The following ALK variants were observed in gnomAD, a reference collection of about 807,000 sequenced individuals.
The protein encoded by ALK is ALK tyrosine kinase receptor.
A neutral mutation model predicts 163.1 loss-of-function variants in ALK; 74 were observed. The observed-to-expected ratio is 0.45, with a 90% CI of 0.38 to 0.55. The LOEUF (loss-of-function observed/expected upper bound fraction) is 0.55, where lower values mean the gene tolerates loss of function less well. ALK is among the 20% of genes least tolerant of loss of function. The pLI, the probability that ALK is intolerant of heterozygous loss-of-function variation, is 0.00. For synonymous variants in ALK, 960 were observed against 843.2 expected, an observed-to-expected ratio of 1.14 and a Z score of -2.40; for missense variants, 2,063 against 2,105.3, an observed-to-expected ratio of 0.98 and a Z score of 0.39.
At chr2:29,578,098 G>T (rs1461301494) in intron 3 of ALK, among the ~76,000 whole-genome samples, 1 of 152,136 alleles carries the variant, frequency 6.6e-6, no homozygotes, top group Non-Finnish European at 1.5e-5. Context: ...GGGACCCAGT[G>T]GGAGATAACT....
At chr2:29,739,573 A>C (rs2148323583) in intron 1 of ALK, among the ~76,000 whole-genome samples, 1 of 152,046 alleles carries the variant, frequency 6.6e-6, no homozygotes, top group African/African-American at 2.4e-5. Flanking sequence ...AAAAAAAAAA[A>C]AGAACATAGT....
chr2:29,621,053 G>C (rs1573505272), intron 3 of ALK, among the ~76,000 whole-genome samples: 1 of 152,184 alleles, frequency 6.6e-6, no homozygotes, highest in Non-Finnish European at 1.5e-5. Flanking sequence ...CTTTGAAATA[G>C]GGGTTGGAAA....
intron 1 of ALK, among the ~76,000 whole-genome samples, chr2:29,865,507 C>CA (rs1200903791): frequency 6.6e-6 from 1 of 152,196 alleles, no homozygotes; most frequent in Non-Finnish European, 1.5e-5. Context: ...TTATATGTAA[C>CA]AATCTGCACA....
At chr2:29,864,913 G>A (rs143549853) in intron 1 of ALK, among the ~76,000 whole-genome samples, 5 of 152,254 alleles carry the variant, frequency 3.3e-5, no homozygotes, top group South Asian at 2.1e-4. Context: ...GATGACAAAC[G>A]CCTCCCACCC....
At chr2:29,593,008 G>C (rs1675104834) in intron 3 of ALK, among the ~76,000 whole-genome samples, 1 of 152,196 alleles carries the variant, frequency 6.6e-6, no homozygotes, top group African/African-American at 2.4e-5. Flanking sequence ...GCGGTCATTT[G>C]TTGTGGCAGC....
intron 8 of ALK, among the ~76,000 whole-genome samples, chr2:29,306,785 A>G (rs1279802622): frequency 2.0e-5 from 3 of 152,244 alleles, no homozygotes; most frequent in Non-Finnish European, 4.4e-5. Flanking sequence ...TTCTAGACAC[A>G]TCCTAGTAGA....
At chr2:29,605,565 T>C (rs72862816) in intron 3 of ALK, among the ~76,000 whole-genome samples, 3,796 of 152,216 alleles carry the variant, frequency 0.025, 135 homozygotes, top group African/African-American at 0.076. Flanking sequence ...GGGATTAGTG[T>C]TTTTATAAGA....
intron 5 of ALK, among the ~76,000 whole-genome samples, chr2:29,368,388 GA>G (rs1284654471): frequency 6.6e-6 from 1 of 152,212 alleles, no homozygotes. Context: ...TCAGTGATGA[GA>G]GACAGTGGCC....
intron 4 of ALK, among the ~76,000 whole-genome samples, chr2:29,405,588 C>G (rs1432156218): frequency 6.6e-6 from 1 of 152,178 alleles, no homozygotes; most frequent in Non-Finnish European, 1.5e-5. Context: ...ACAGCAAGGT[C>G]TGGCCAATTT....
At position 29,382,902 on chromosome 2, in the gene ALK, A is replaced by G. The variant is rs193264898; in HGVS notation, c.1282+830T>C. 2.0e-5 allele frequency among the ~76,000 whole-genome samples: 3 copies of G among 152,356 alleles called. No homozygotes were observed. The East Asian group carries it at 5.8e-4, about 29-fold the overall frequency. On this transcript the variant is annotated intron_variant, in intron 5 of 28. Coordinates refer to ENST00000389048, the MANE Select transcript of ALK (RefSeq NM_004304.5). ...CCTGCAAAGCCAGCAATAAATGAAG[A>G]GCCACAGGGGCAAAAGAAGCTGGGT...
At chr2:29,385,382 G>GTTTTTTTTTTTT (rs59445973) in intron 4 of ALK, among the ~76,000 whole-genome samples, 1 of 138,338 alleles carries the variant, frequency 7.2e-6, no homozygotes, top group Non-Finnish European at 1.6e-5. Flanking sequence ...CTGTCAGGTT[G>GTTTTTTTTTTTT]TTTTTTTTTT....
intron 5 of ALK, among the ~76,000 whole-genome samples, chr2:29,348,275 GT>G (rs1233639624): frequency 6.6e-6 from 1 of 152,176 alleles, no homozygotes; most frequent in African/African-American, 2.4e-5. Context: ...GTCCATCTGG[GT>G]CTGCTTATGA....
At chr2:29,694,630 T>A (rs1284298801) in intron 3 of ALK, among the ~76,000 whole-genome samples, 2 of 152,230 alleles carry the variant, frequency 1.3e-5, no homozygotes, top group Non-Finnish European at 2.9e-5. Flanking sequence ...CTACTTTTAT[T>A]ACTTGTTAAA....
chr2:29,582,440 C>T (rs950399860), intron 3 of ALK, among the ~76,000 whole-genome samples: 4 of 152,204 alleles, frequency 2.6e-5, no homozygotes, highest in Non-Finnish European at 5.9e-5. Context: ...AATTGAGAAC[C>T]TAAAATTGGG....
chr2:29,831,715 T>C (rs1011093975), intron 1 of ALK, among the ~76,000 whole-genome samples: 2 of 152,224 alleles, frequency 1.3e-5, no homozygotes, highest in African/African-American at 2.4e-5. Context: ...GTCTAGGCTA[T>C]AGTTTCTCCA....
In ALK at chr2:29,193,787, C is replaced by T. The variant is rs778085426; in HGVS notation, c.4300G>A (p.Glu1434Lys). The T allele has an allele frequency of 1.3e-5, 21 of 1,594,670 alleles. No individual in the cohort carries two copies. The highest frequency in any genetic ancestry group is 1.8e-5 in the Non-Finnish European group (21 of 1,170,074). Residue 1434 changes from glutamate (E) to lysine (K), a missense_variant, in exon 29 of 29, where the codon GAG (glutamate) becomes AAG (lysine). Physicochemically the swap from Glu to Lys is moderately conservative, Grantham distance 56. Around this residue, in one of 5 missense-constraint regions of ALK, gnomAD observed 403 missense variants for 366.2 expected, o/e 1.10. Transcript: ENST00000389048. ...GGTGGGGCAGCTGGGCTGCGCTCCT[C>T]CTCCCGTTTTGCCTGTTGAGAGACC... ...LLVSQQAKRE[E>K]ERSPAAPPPL...
At chr2:29,369,536 A>G (rs1241203791) in intron 5 of ALK, among the ~76,000 whole-genome samples, 1 of 152,192 alleles carries the variant, frequency 6.6e-6, no homozygotes, top group Non-Finnish European at 1.5e-5. Flanking sequence ...ATGGATATAC[A>G]GCCTCAGGCC....
intron 3 of ALK, among the ~76,000 whole-genome samples, chr2:29,572,873 G>A (rs1674418375): frequency 6.6e-6 from 1 of 152,036 alleles, no homozygotes; most frequent in Non-Finnish European, 1.5e-5. Context: ...ATTCCTTCAC[G>A]CAGCCCTGGA....
chr2:29,775,008 A>T (rs1681131996), intron 1 of ALK, among the ~76,000 whole-genome samples: 1 of 152,242 alleles, frequency 6.6e-6, no homozygotes, highest in African/African-American at 2.4e-5. Flanking sequence ...CCAGATGCTC[A>T]TGTTAAGCAG....
Sources: gnomAD v4.1 joint callset for allele counts (sites outside exome capture counted in the v4.1 genomes callset) on GRCh38, gnomAD v4.1.1 for gene constraint, gnomAD v4.1.1 regional missense constraint, MANE v1.5 for transcripts, NCBI Gene and HGNC (gene_info 2026-07-23, HGNC 2026-07-21) for gene names.